Variants in PGM5 observed in about 807,000 individuals in gnomAD.
The protein encoded by PGM5 is phosphoglucomutase 5, also known as phosphoglucomutase-like protein 5.
A neutral mutation model predicts 59.2 loss-of-function variants in PGM5; 23 were observed. The ratio of observed to expected loss-of-function variants is 0.39; its 90% confidence interval spans 0.28 to 0.55. The LOEUF (loss-of-function observed/expected upper bound fraction) is 0.55. PGM5 is among the 20% of genes least tolerant of loss of function. The probability of loss-of-function intolerance (pLI) is 0.66; values close to 1 mark genes in which losing one functional copy is unlikely to be tolerated. For missense variants in PGM5, 574 were observed against 748.3 expected (o/e 0.77, Z 2.72); for synonymous variants, 214 against 286.0 (o/e 0.75, Z 2.54).
chr9:68,376,286 T>G (rs1488278243), intron 1 of PGM5, among the ~76,000 whole-genome samples: 1 of 152,206 alleles, frequency 6.6e-6, no homozygotes, highest in African/African-American at 2.4e-5. Flanking sequence ...ATTATTATAT[T>G]ATTATTAAAA....
intron 9 of PGM5, among the ~76,000 whole-genome samples, chr9:68,487,749 T>C (rs180918651): frequency 4.6e-5 from 7 of 152,316 alleles, no homozygotes; most frequent in Admixed American, 4.6e-4. Flanking sequence ...GTTCCCGTTT[T>C]ATACAGAAAT....
intron 6 of PGM5, chr9:68,396,058 A>T (rs1360890577): frequency 6.6e-6 from 1 of 152,146 alleles, no homozygotes; most frequent in Non-Finnish European, 1.5e-5. Flanking sequence ...ATCCTGAGTG[A>T]TATGTAGGGT....
intron 8 of PGM5, among the ~76,000 whole-genome samples, chr9:68,481,953 C>T (rs375205901): frequency 2.6e-5 from 4 of 152,262 alleles, no homozygotes; most frequent in East Asian, 1.9e-4. Context: ...AATAATAAAA[C>T]AATTTCACTT....
chr9:68,505,486 C>T (rs891949132), intron 10 of PGM5, among the ~76,000 whole-genome samples: 2 of 152,186 alleles, frequency 1.3e-5, no homozygotes, highest in Non-Finnish European at 2.9e-5. Flanking sequence ...CACATTTTTG[C>T]CTTGCCAACT....
intron 9 of PGM5, among the ~76,000 whole-genome samples, chr9:68,496,627 C>A (rs941905365): frequency 6.6e-6 from 1 of 152,336 alleles, no homozygotes; most frequent in Non-Finnish European, 1.5e-5. Context: ...TTCTAACAAT[C>A]TTCTAGGCAT....
chr9:68,394,166 G>T (rs1376988092), intron 6 of PGM5: 2 of 152,018 alleles, frequency 1.3e-5, no homozygotes, highest in Non-Finnish European at 2.9e-5. Context: ...TCTTAATCTG[G>T]GTGGTGGTTA....
In PGM5 at chr9:68,378,511, G is replaced by T. The variant is rs1287765311; in HGVS notation, c.424+150G>T. The T allele has an allele frequency of 5.0e-6, 5 of 990,988 alleles. No homozygotes were observed. In the East Asian group the frequency reaches 1.1e-4, roughly 22 times the overall value. The allele number at this position is 990,988 out of a possible 1,614,324, so 61.4% of individuals were successfully genotyped here. A position where few individuals can be genotyped will look rare whatever the true frequency, so the allele number is the denominator to read the frequency against. On this transcript the variant is annotated intron_variant, in intron 2 of 10. Coordinates refer to ENST00000396396, the MANE Select transcript of PGM5 (RefSeq NM_021965.4). ...GAGGTGCCCAAAGAGATCCAACAAAGAAGTGGCATGATGGGCTCATGAACC... is the reference window on the plus strand; with the variant it reads ...GAGGTGCCCAAAGAGATCCAACAAATAAGTGGCATGATGGGCTCATGAACC...
chr9:68,518,726 T>C (rs1019311564), intron 10 of PGM5, among the ~76,000 whole-genome samples: 8 of 152,216 alleles, frequency 5.3e-5, no homozygotes, highest in African/African-American at 1.9e-4. Flanking sequence ...GAACAAAGAA[T>C]ATAAGATTGC....
intron 9 of PGM5, among the ~76,000 whole-genome samples, chr9:68,495,779 T>A (rs958376374): frequency 6.6e-6 from 1 of 152,244 alleles, no homozygotes; most frequent in Non-Finnish European, 1.5e-5. Context: ...TAAACATAAT[T>A]TCTCTCTACT....
chr9:68,509,895 G>T (rs1554689256), intron 10 of PGM5, among the ~76,000 whole-genome samples: 3 of 152,122 alleles, frequency 2.0e-5, no homozygotes, highest in Non-Finnish European at 4.4e-5. Context: ...AAGCTCCAGG[G>T]TGTGTTGTTT....
rs146342870 is a variant in PGM5, at chr9:68,421,827, G to A, written c.1043+29354G>A. ...ACTTTGTAGATGGATACTAGATTAA[G>A]ACATGCATAGTACAATTTGTAGAGA... On this transcript the variant is annotated intron_variant, in intron 6 of 10. Coordinates refer to ENST00000396396, the MANE Select transcript of PGM5 (RefSeq NM_021965.4). Among the ~76,000 whole-genome samples the A allele has an allele frequency of 3.2e-4, 48 of 151,558 alleles. 1 individual carries two copies. In the East Asian group the frequency reaches 4.6e-3, roughly 15 times the overall value.
chr9:68,360,139 G>A (rs1262581227), intron 1 of PGM5, among the ~76,000 whole-genome samples: 3 of 152,040 alleles, frequency 2.0e-5, no homozygotes, highest in Non-Finnish European at 4.4e-5. Context: ...AGCCTACAAA[G>A]CAATGTTCTA....
At chr9:68,424,342 G>A (rs1554682570) in intron 6 of PGM5, among the ~76,000 whole-genome samples, 1 of 152,166 alleles carries the variant, frequency 6.6e-6, no homozygotes, top group African/African-American at 2.4e-5. Flanking sequence ...CAAGGAGCTG[G>A]TGTGTTGGGT....
intron 6 of PGM5, 113 bp downstream of exon 6, chr9:68,392,586 G>T: frequency 8.5e-7 from 1 of 1,181,100 alleles, no homozygotes; most frequent in Non-Finnish European, 1.2e-6. Context: ...TGCGTTGAAA[G>T]CATGGGAACA....
At chr9:68,424,007 C>T (rs1256709027) in intron 6 of PGM5, among the ~76,000 whole-genome samples, 3 of 152,190 alleles carry the variant, frequency 2.0e-5, no homozygotes, top group Admixed American at 6.5e-5. Flanking sequence ...AATAAGTAGA[C>T]ATAGTCTGTG....
At chr9:68,525,242 T>C (rs1023327086) in intron 10 of PGM5, among the ~76,000 whole-genome samples, 1 of 152,196 alleles carries the variant, frequency 6.6e-6, no homozygotes. Flanking sequence ...GGAGTCTCTA[T>C]TTGCCTTATC....
intron 1 of PGM5, among the ~76,000 whole-genome samples, chr9:68,367,262 G>T (rs1371284839): frequency 1.3e-5 from 2 of 151,824 alleles, no homozygotes; most frequent in Non-Finnish European, 2.9e-5. Flanking sequence ...TTTTCCATCT[G>T]AAACCTTTCT....
chr9:68,466,215 G>A, intron 7 of PGM5: 1 of 1,273,316 alleles, frequency 7.9e-7, no homozygotes, highest in Non-Finnish European at 1.0e-6. Context: ...TTCCTTAGCT[G>A]TGTCCAATCT....
intron 10 of PGM5, among the ~76,000 whole-genome samples, chr9:68,518,586 A>C (rs1365191480): frequency 6.6e-6 from 1 of 152,270 alleles, no homozygotes; most frequent in East Asian, 1.9e-4. Flanking sequence ...TTGAAATTAA[A>C]GAGCTGAGAA....
Sources: allele counts gnomAD v4.1 joint callset (sites outside exome capture counted in the v4.1 genomes callset), GRCh38; gene constraint gnomAD v4.1.1; transcripts MANE v1.5; gene names NCBI Gene and HGNC (gene_info 2026-07-23, HGNC 2026-07-21).